The following TRPC3 variants were observed in gnomAD, a reference collection of about 807,000 sequenced individuals.
TRPC3 encodes transient receptor potential cation channel subfamily C member 3.
A neutral mutation model predicts 90.9 loss-of-function variants in TRPC3; 54 were observed. The observed-to-expected ratio is 0.59, with a 90% CI of 0.48 to 0.75. The LOEUF (loss-of-function observed/expected upper bound fraction) is 0.75. Among genes scored for constraint, TRPC3 ranks in the 30% least tolerant of loss-of-function variants. The pLI, the probability that TRPC3 is intolerant of heterozygous loss-of-function variation, is 0.00. For synonymous variants in TRPC3, 424 were observed against 450.9 expected, an observed-to-expected ratio of 0.94 and a Z score of 0.75; for missense variants, 918 against 1,194.5, an observed-to-expected ratio of 0.77 and a Z score of 3.41.
intron 1 of TRPC3, among the ~76,000 whole-genome samples, chr4:121,942,428 G>A (rs1446990970): frequency 6.6e-6 from 1 of 152,122 alleles, no homozygotes; most frequent in African/African-American, 2.4e-5. Context: ...TGGGCATGGT[G>A]GTGCATGCCT....
At chr4:121,885,960 C>G (rs1387290450) in intron 10 of TRPC3, among the ~76,000 whole-genome samples, 2 of 152,116 alleles carry the variant, frequency 1.3e-5, no homozygotes, top group Admixed American at 1.3e-4. Context: ...TTTCTCTGTC[C>G]AGGGTATGGA....
intron 2 of TRPC3, among the ~76,000 whole-genome samples, chr4:121,928,422 G>A (rs926076841): frequency 2.0e-5 from 3 of 152,236 alleles, no homozygotes; most frequent in South Asian, 2.1e-4. Flanking sequence ...GCAGAGTTCC[G>A]TGGGAAAGAT....
At chr4:121,906,270 C>T (rs1331037617) in intron 7 of TRPC3, among the ~76,000 whole-genome samples, 1 of 152,106 alleles carries the variant, frequency 6.6e-6, no homozygotes, top group Non-Finnish European at 1.5e-5. Context: ...GCATGATTTT[C>T]AGCCTATGTC....
intron 1 of TRPC3, among the ~76,000 whole-genome samples, chr4:121,940,209 G>C (rs1730260180): frequency 6.6e-6 from 1 of 152,178 alleles, no homozygotes; most frequent in Non-Finnish European, 1.5e-5. Flanking sequence ...GCCAAATGTA[G>C]AGCAAGCCTT....
intron 10 of TRPC3, among the ~76,000 whole-genome samples, chr4:121,891,687 G>T (rs1038420647): frequency 6.6e-6 from 1 of 152,156 alleles, no homozygotes; most frequent in African/African-American, 2.4e-5. Flanking sequence ...TACCACTGGG[G>T]ACAGAAAGTC....
Position 121,878,932 on chromosome 4 carries a change from T to C in TRPC3, c.*804A>G, listed in dbSNP as rs958098884. On this transcript the variant is annotated 3_prime_UTR_variant, in exon 12 of 12. Coordinates refer to ENST00000379645, the MANE Select transcript of TRPC3 (RefSeq NM_001130698.2). ...AGCAGAGGCAGAAATTAGATGGTTA[T>C]AACAAAATGACAACCCTGCATAACC... 4 of 152,118 alleles carry C rather than the reference T, an allele frequency of 2.6e-5. No homozygotes were observed. The highest frequency in any genetic ancestry group is 4.4e-5 in the Non-Finnish European group (3 of 68,028). 9.4% of individuals were successfully genotyped at this position (152,118 alleles called of 1,614,324 possible).
At chr4:121,934,656 G>A (rs1330834018) in intron 1 of TRPC3, among the ~76,000 whole-genome samples, 1 of 152,164 alleles carries the variant, frequency 6.6e-6, no homozygotes, top group African/African-American at 2.4e-5. Flanking sequence ...TAACTAGAGA[G>A]GACACTGGCC....
chr4:121,937,904 C>A (rs1167471867), intron 1 of TRPC3, among the ~76,000 whole-genome samples: 1 of 151,770 alleles, frequency 6.6e-6, no homozygotes, highest in Non-Finnish European at 1.5e-5. Context: ...GTGTTTTAAA[C>A]CTGTTTTAAG....
At chr4:121,883,131 A>G (rs1727999813) in intron 10 of TRPC3, among the ~76,000 whole-genome samples, 1 of 152,124 alleles carries the variant, frequency 6.6e-6, no homozygotes, top group Non-Finnish European at 1.5e-5. Flanking sequence ...CCATGAACAC[A>G]AAAATTAATT....
intron 10 of TRPC3, among the ~76,000 whole-genome samples, chr4:121,895,993 C>A (rs887195355): frequency 1.3e-4 from 20 of 152,010 alleles, no homozygotes; most frequent in African/African-American, 4.3e-4. Context: ...TGGGACTTAT[C>A]CCAGGAATGC....
chr4:121,912,112 G>A lies in TRPC3; in HGVS notation c.1342-19C>T, dbSNP rs1347274898. 6.2e-7 allele frequency: 1 copy of A among 1,607,606 alleles called. No homozygotes were observed. The highest frequency in any genetic ancestry group is 1.3e-5 in the African/African-American group (1 of 74,780). ...TCCCCAGCTGTAACAAACCAAAGAGGAAAAGTTTGCTTCAGAAAATCTGGC... is the reference window on the plus strand; with the variant it reads ...TCCCCAGCTGTAACAAACCAAAGAGAAAAAGTTTGCTTCAGAAAATCTGGC... On this transcript the variant is annotated intron_variant, in intron 4 of 11. Transcript: ENST00000379645.
At chr4:121,883,856 C>G (rs13123994) in intron 10 of TRPC3, among the ~76,000 whole-genome samples, 102,428 of 152,004 alleles carry the variant, frequency 0.67, 34,653 homozygotes, top group East Asian at 0.83. Flanking sequence ...ATAGACATGA[C>G]CCACTGCATC....
intron 3 of TRPC3, among the ~76,000 whole-genome samples, chr4:121,915,589 T>C (rs1358671729): frequency 6.6e-6 from 1 of 152,224 alleles, no homozygotes; most frequent in African/African-American, 2.4e-5. Flanking sequence ...GCTTCCTGTA[T>C]CAAAAGGTCA....
Position 121,902,917 on chromosome 4 carries a change from GA to G in TRPC3, c.2397del (p.Lys801AsnfsTer11). 6.2e-7 allele frequency: 1 copy of G among 1,613,376 alleles called. No homozygotes were observed. Among genetic ancestry groups the G allele is most frequent in the South Asian group, 1.1e-5 (1 of 91,022 alleles). On this transcript the variant is annotated frameshift_variant, in exon 9 of 12. Coordinates refer to ENST00000379645, the MANE Select transcript of TRPC3 (RefSeq NM_001130698.2). LOFTEE classifies it high-confidence loss of function. Reference sequence around the variant, plus strand: ...TGAAGCCTTCTCCTTCTGCATTTGGGAAAGTTAACAATTCGCATGATGAAAT... The same window carrying G: ...TGAAGCCTTCTCCTTCTGCATTTGGGAAGTTAACAATTCGCATGATGAAAT... ...FVYFIMRIVN[F>X]PKCRRRRLQK...
At chr4:121,929,103 C>T (rs1005116047) in intron 2 of TRPC3, among the ~76,000 whole-genome samples, 32 of 152,142 alleles carry the variant, frequency 2.1e-4, no homozygotes, top group African/African-American at 7.7e-4. Flanking sequence ...CTAAGAAGTG[C>T]TTCAATATTA....
intron 10 of TRPC3, among the ~76,000 whole-genome samples, chr4:121,890,767 G>A (rs1019619034): frequency 1.2e-4 from 18 of 151,946 alleles, no homozygotes; most frequent in Non-Finnish European, 1.8e-4. Flanking sequence ...CGAGATGGGT[G>A]GATCATGAGG....
intron 1 of TRPC3, among the ~76,000 whole-genome samples, chr4:121,942,766 A>G (rs1730363565): frequency 6.6e-6 from 1 of 152,186 alleles, no homozygotes; most frequent in South Asian, 2.1e-4. Context: ...CTCAGCAGCT[A>G]AAACCAGAAA....
At chr4:121,904,573 G>C (rs1010036153) in intron 7 of TRPC3, 56 bp from the exon 8 acceptor site, 2 of 1,366,246 alleles carry the variant, frequency 1.5e-6, no homozygotes, top group African/African-American at 3.0e-5. Context: ...ATATCTAAGA[G>C]TGAAAAGTAA....
At chr4:121,900,456 A>G (rs1479414658) in intron 9 of TRPC3, among the ~76,000 whole-genome samples, 1 of 152,184 alleles carries the variant, frequency 6.6e-6, no homozygotes, top group East Asian at 1.9e-4. Flanking sequence ...TAACTCAGGA[A>G]GGTGTGGGAT....
Sources: allele counts gnomAD v4.1 joint callset (sites outside exome capture counted in the v4.1 genomes callset), GRCh38; gene constraint gnomAD v4.1.1; transcripts MANE v1.5; gene names NCBI Gene and HGNC (gene_info 2026-07-23, HGNC 2026-07-21).